NRXN3: variants seen among roughly 807,000 people sequenced by gnomAD.
The protein encoded by NRXN3 is neurexin 3, also known as neurexin III.
Under a neutral mutation model 137.6 loss-of-function variants are expected in NRXN3, and 32 were observed. The observed-to-expected ratio is 0.23, with a 90% CI of 0.18 to 0.31. The LOEUF is 0.31. NRXN3 is among the 10% of genes least tolerant of loss of function. NRXN3 has a pLI of 1.00. For synonymous variants in NRXN3, 798 were observed against 784.5 expected (o/e 1.02, Z -0.29); for missense variants, 1,574 against 2,062.5 (o/e 0.76, Z 4.59).
At chr14:79,008,131 A>G (rs901057553) in intron 15 of NRXN3, among the ~76,000 whole-genome samples, 1 of 152,188 alleles carries the variant, frequency 6.6e-6, no homozygotes, top group African/African-American at 2.4e-5. Flanking sequence ...GGCTTAAGAT[A>G]AAAGCTATCT....
intron 6 of NRXN3, among the ~76,000 whole-genome samples, chr14:78,683,521 C>T (rs1397939166): frequency 6.6e-6 from 1 of 152,158 alleles, no homozygotes; most frequent in Non-Finnish European, 1.5e-5. Flanking sequence ...CAGAGTGCCC[C>T]AGCTTCACAA....
intron 4 of NRXN3, among the ~76,000 whole-genome samples, chr14:78,624,866 G>A (rs2152512206): frequency 6.6e-6 from 1 of 152,012 alleles, no homozygotes; most frequent in East Asian, 1.9e-4. Context: ...TTTTGAGAAG[G>A]AGTCTCGCTG....
Position 79,006,998 on chromosome 14 carries a change from C to T in NRXN3, c.3262+18857C>T, listed in dbSNP as rs186429059. Among the ~76,000 whole-genome samples the T allele has an allele frequency of 3.8e-3, 576 of 152,250 alleles. 14 individuals are homozygous for T. The highest frequency in any genetic ancestry group is 0.033 in the Admixed American group (510 of 15,282). Reference sequence around the variant, plus strand: ...AGGTATTCAAAACTGTTATTTTCTGCGTCAATTTGATATATGTGCAGCATT... The same window carrying T: ...AGGTATTCAAAACTGTTATTTTCTGTGTCAATTTGATATATGTGCAGCATT... On this transcript the variant is annotated intron_variant, in intron 15 of 20. Coordinates refer to ENST00000335750, the MANE Select transcript of NRXN3 (RefSeq NM_001330195.2).
chr14:79,671,096 C>T (rs1044185149), intron 17 of NRXN3, among the ~76,000 whole-genome samples: 2 of 152,168 alleles, frequency 1.3e-5, no homozygotes, highest in African/African-American at 4.8e-5. Context: ...TTATGACATA[C>T]TCCCCACTTC....
intron 15 of NRXN3, among the ~76,000 whole-genome samples, chr14:79,442,226 G>C (rs962582945): frequency 1.3e-5 from 2 of 152,162 alleles, no homozygotes; most frequent in African/African-American, 2.4e-5. Context: ...TGTTTGCTTA[G>C]ATTATTCTGT....
intron 15 of NRXN3, among the ~76,000 whole-genome samples, chr14:79,108,693 A>G (rs1220318470): frequency 6.6e-6 from 1 of 152,168 alleles, no homozygotes; most frequent in African/African-American, 2.4e-5. Flanking sequence ...TTTTCCTAAA[A>G]TGAATGAACT....
chr14:78,874,663 G>A (rs1001223578), intron 10 of NRXN3, among the ~76,000 whole-genome samples: 3 of 151,986 alleles, frequency 2.0e-5, no homozygotes, highest in Non-Finnish European at 2.9e-5. Flanking sequence ...CAACATCCTC[G>A]TTTTCATTTT....
In NRXN3 at chr14:79,864,453, A is replaced by G. The variant is rs1190298736; in HGVS notation, c.*2489A>G. 1 of 152,642 alleles carries G rather than the reference A, an allele frequency of 6.6e-6. No individual in the cohort carries two copies. Among genetic ancestry groups the G allele is most frequent in the Non-Finnish European group, 1.5e-5 (1 of 68,034 alleles). 9.5% of individuals were successfully genotyped at this position (152,642 alleles called of 1,614,324 possible). ...GCTGATGCACTTTTATTTTCTTAAC[A>G]TTTGAGAAAATCTCGCACTGAAGCT... On this transcript the variant is annotated 3_prime_UTR_variant, in exon 21 of 21. Coordinates refer to ENST00000335750, the MANE Select transcript of NRXN3 (RefSeq NM_001330195.2).
intron 4 of NRXN3, among the ~76,000 whole-genome samples, chr14:78,328,229 A>G (rs534926650): frequency 6.6e-6 from 1 of 152,254 alleles, no homozygotes; most frequent in East Asian, 1.9e-4. Flanking sequence ...GCAGTCTAGG[A>G]AAAAATAATT....
intron 19 of NRXN3, among the ~76,000 whole-genome samples, chr14:79,760,225 T>A (rs929834212): frequency 6.6e-6 from 1 of 151,520 alleles, no homozygotes; most frequent in South Asian, 2.1e-4. Context: ...TAGAAAAAAG[T>A]GTGGCGAGCT....
At chr14:79,747,321 G>T (rs2098982787) in intron 19 of NRXN3, among the ~76,000 whole-genome samples, 1 of 152,020 alleles carries the variant, frequency 6.6e-6, no homozygotes, top group South Asian at 2.1e-4. Flanking sequence ...ACCAGACGGT[G>T]ACATGATAAA....
At chr14:78,624,495 T>C (rs944860456) in intron 4 of NRXN3, among the ~76,000 whole-genome samples, 8 of 152,186 alleles carry the variant, frequency 5.3e-5, no homozygotes, top group African/African-American at 1.9e-4. Flanking sequence ...AGGGGGGCGG[T>C]ATGCCCACTG....
chr14:78,603,805 T>C (rs1477206296), intron 4 of NRXN3, among the ~76,000 whole-genome samples: 1 of 152,154 alleles, frequency 6.6e-6, no homozygotes, highest in African/African-American at 2.4e-5. Context: ...CCATGAGCCA[T>C]GGCCTTCATA....
chr14:79,129,279 A>G (rs1298529977), intron 15 of NRXN3, among the ~76,000 whole-genome samples: 1 of 147,212 alleles, frequency 6.8e-6, no homozygotes, highest in Non-Finnish European at 1.5e-5. Flanking sequence ...TAGGGTGTCA[A>G]TTTTGGATCT....
chr14:79,733,674 G>T lies in NRXN3; in HGVS notation c.4014+35737G>T, dbSNP rs1035436658. ...AGCCCACATTTGGTTTGCTGTTGTT[G>T]TTTTTTTTTTTTTTATAACTGTGAT... is the stretch of plus-strand genomic sequence containing the variant. On this transcript the variant is annotated intron_variant, in intron 19 of 20. Transcript: ENST00000335750. 4.3e-3 allele frequency among the ~76,000 whole-genome samples: 537 copies of T among 125,116 alleles called. 2 individuals are homozygous for T. The highest frequency in any genetic ancestry group is 0.014 in the African/African-American group (525 of 37,298). The allele number at this position is 125,116 out of a possible 152,430, so 82.1% of individuals were successfully genotyped here.
At chr14:79,545,868 GT>G (rs2097314549) in intron 16 of NRXN3, among the ~76,000 whole-genome samples, 1 of 152,020 alleles carries the variant, frequency 6.6e-6, no homozygotes, top group Non-Finnish European at 1.5e-5. Context: ...GATTGATATG[GT>G]TTGGCTGTGT....
chr14:79,323,523 A>T (rs939383083), intron 15 of NRXN3, among the ~76,000 whole-genome samples: 6 of 152,156 alleles, frequency 3.9e-5, no homozygotes, highest in Non-Finnish European at 8.8e-5. Context: ...TTTAGTTTAG[A>T]TCTATGTGGC....
At chr14:79,429,851 A>C (rs2095716727) in intron 15 of NRXN3, among the ~76,000 whole-genome samples, 1 of 152,202 alleles carries the variant, frequency 6.6e-6, no homozygotes, top group African/African-American at 2.4e-5. Flanking sequence ...CATATGAGAA[A>C]AATTGTCTTG....
intron 14 of NRXN3, among the ~76,000 whole-genome samples, chr14:78,981,405 G>A (rs1197985666): frequency 1.3e-5 from 2 of 152,172 alleles, no homozygotes; most frequent in Non-Finnish European, 2.9e-5. Flanking sequence ...TGCACAATTA[G>A]CAAGCTTGGG....
Sources: gnomAD v4.1 joint callset for allele counts (sites outside exome capture counted in the v4.1 genomes callset) on GRCh38, gnomAD v4.1.1 for gene constraint, MANE v1.5 for transcripts, NCBI Gene and HGNC (gene_info 2026-07-23, HGNC 2026-07-21) for gene names.